The following KCNT2 variants were observed in gnomAD, a reference collection of about 807,000 sequenced individuals.
KCNT2 encodes the protein potassium channel subfamily T member 2.
A neutral mutation model predicts 153.8 loss-of-function variants in KCNT2; 67 were observed. The ratio of observed to expected loss-of-function variants is 0.44; its 90% CI spans 0.36 to 0.53. KCNT2 has a LOEUF of 0.53. Ranked by LOEUF, KCNT2 falls within the 20% of genes least tolerant of loss-of-function variation. The pLI is 0.00. For synonymous variants in KCNT2, 500 were observed against 458.8 expected (o/e 1.09, Z -1.15); for missense variants, 975 against 1,354.8 (o/e 0.72, Z 4.40).
chr1:196,411,053 TATTCCCTC>T (rs1375875623), intron 12 of KCNT2, among the ~76,000 whole-genome samples: 1 of 64,784 alleles, frequency 1.5e-5, no homozygotes, highest in African/African-American at 6.0e-5. Context: ...CTCCCTCCTC[TATTCCCTC>T]CTTCCTTCCT....
intron 1 of KCNT2, among the ~76,000 whole-genome samples, chr1:196,587,080 G>T (rs1217283252): frequency 1.3e-5 from 2 of 151,998 alleles, no homozygotes; most frequent in Non-Finnish European, 2.9e-5. Flanking sequence ...TCGAATCATG[G>T]AAAAAATTTG....
At chr1:196,489,067 G>A (rs751495997) in intron 3 of KCNT2, among the ~76,000 whole-genome samples, 6 of 151,904 alleles carry the variant, frequency 3.9e-5, no homozygotes, top group African/African-American at 1.4e-4. Context: ...TGTGGGTTGT[G>A]AGGAGCAGGA....
At chr1:196,318,695 G>A (rs1002497164) in intron 20 of KCNT2, among the ~76,000 whole-genome samples, 2 of 151,590 alleles carry the variant, frequency 1.3e-5, no homozygotes, top group African/African-American at 4.8e-5. Flanking sequence ...ACATAGAATG[G>A]AGGCTAATCA....
chr1:196,414,811 T>C (rs529657241), intron 12 of KCNT2, among the ~76,000 whole-genome samples: 1 of 152,026 alleles, frequency 6.6e-6, no homozygotes, highest in Non-Finnish European at 1.5e-5. Context: ...AAAAGGGACA[T>C]CTGACAGTCT....
intron 2 of KCNT2, 143 bp downstream of exon 2, chr1:196,492,119 C>A: frequency 1.3e-6 from 1 of 780,992 alleles, no homozygotes; most frequent in Non-Finnish European, 1.8e-6. Context: ...AAAAAATAAC[C>A]AATTTTATTC....
At chr1:196,530,987 T>G (rs2148847988) in intron 1 of KCNT2, among the ~76,000 whole-genome samples, 1 of 152,218 alleles carries the variant, frequency 6.6e-6, no homozygotes, top group East Asian at 1.9e-4. Flanking sequence ...CCGATAAAAC[T>G]TAGAAGGATG....
At chr1:196,381,730 T>C (rs1164106278) in intron 13 of KCNT2, among the ~76,000 whole-genome samples, 3 of 152,146 alleles carry the variant, frequency 2.0e-5, no homozygotes, top group African/African-American at 7.2e-5. Flanking sequence ...GATGAACAAA[T>C]GGCTGGAGCA....
chr1:196,570,809 G>C (rs1660695731), intron 1 of KCNT2, among the ~76,000 whole-genome samples: 2 of 152,154 alleles, frequency 1.3e-5, no homozygotes, highest in South Asian at 4.1e-4. Flanking sequence ...TCTGACCACA[G>C]AACACAGAGA....
chr1:196,331,697 A>C (rs1248164674), intron 17 of KCNT2, among the ~76,000 whole-genome samples: 1 of 152,112 alleles, frequency 6.6e-6, no homozygotes, highest in Non-Finnish European at 1.5e-5. Flanking sequence ...TATTTATAAA[A>C]AGTTTGTTAA....
At chr1:196,567,182 C>A (rs539192129) in intron 1 of KCNT2, among the ~76,000 whole-genome samples, 2 of 152,036 alleles carry the variant, frequency 1.3e-5, no homozygotes, top group Non-Finnish European at 2.9e-5. Flanking sequence ...TCAGCCATAT[C>A]TCTCACTCCT....
chr1:196,236,148 C>A, intron 26 of KCNT2, 78 bp from the exon 27 acceptor site: 1 of 796,752 alleles, frequency 1.3e-6, no homozygotes, highest in South Asian at 1.4e-5. Flanking sequence ...AGCTTATATT[C>A]AAACCATATA....
chr1:196,537,764 T>C (rs1048992318), intron 1 of KCNT2, among the ~76,000 whole-genome samples: 3 of 152,220 alleles, frequency 2.0e-5, no homozygotes, highest in African/African-American at 7.2e-5. Flanking sequence ...ATTGGGCTGC[T>C]TATTGATTGT....
At chr1:196,542,058 G>T (rs1400817986) in intron 1 of KCNT2, among the ~76,000 whole-genome samples, 1 of 151,774 alleles carries the variant, frequency 6.6e-6, no homozygotes, top group African/African-American at 2.4e-5. Context: ...TTATTTAAGA[G>T]ATTTAGATAA....
chr1:196,385,026 A>G (rs933123061), intron 13 of KCNT2, among the ~76,000 whole-genome samples: 11 of 152,150 alleles, frequency 7.2e-5, no homozygotes, highest in Non-Finnish European at 1.5e-4. Context: ...CATATAAAAA[A>G]GATTGAAATT....
intron 8 of KCNT2, among the ~76,000 whole-genome samples, chr1:196,433,989 G>T (rs1408117751): frequency 6.6e-6 from 1 of 151,724 alleles, no homozygotes; most frequent in African/African-American, 2.4e-5. Context: ...TTCACTTCAG[G>T]TCTCCAAAAT....
chr1:196,402,624 A>G (rs1671510135), intron 12 of KCNT2, among the ~76,000 whole-genome samples: 1 of 151,698 alleles, frequency 6.6e-6, no homozygotes, highest in African/African-American at 2.4e-5. Flanking sequence ...AACCAAAATT[A>G]GAGGAAACAA....
intron 14 of KCNT2, among the ~76,000 whole-genome samples, chr1:196,372,714 A>T (rs1668639836): frequency 6.6e-6 from 1 of 152,072 alleles, no homozygotes; most frequent in South Asian, 2.1e-4. Context: ...TCAATTGTGT[A>T]CATTAAGCTT....
chr1:196,581,627 G>C (rs1396332538), intron 1 of KCNT2, among the ~76,000 whole-genome samples: 1 of 151,872 alleles, frequency 6.6e-6, no homozygotes, highest in Non-Finnish European at 1.5e-5. Flanking sequence ...CTAAGGAGAT[G>C]GGGGAAAGAT....
chr1:196,271,216 AG>A (rs1658034290), intron 25 of KCNT2, among the ~76,000 whole-genome samples: 1 of 152,084 alleles, frequency 6.6e-6, no homozygotes, highest in Non-Finnish European at 1.5e-5. Context: ...TTATGTAAAT[AG>A]TCTATCTAAA....
Sources: gnomAD v4.1 joint callset for allele counts (sites outside exome capture counted in the v4.1 genomes callset) on GRCh38, gnomAD v4.1.1 for gene constraint, MANE v1.5 for transcripts, NCBI Gene and HGNC (gene_info 2026-07-23, HGNC 2026-07-21) for gene names.